Variants in ADK observed in about 807,000 individuals in gnomAD.
ADK encodes the protein N6,N6-dimethyladenosine kinase.
Under a neutral mutation model 44.7 loss-of-function variants are expected in ADK, and 24 were observed. The ratio of observed to expected loss-of-function variants is 0.54; its 90% CI spans 0.39 to 0.76. The LOEUF is 0.76. Ranked by LOEUF, ADK falls within the 30% of genes least tolerant of loss-of-function variation. ADK has a pLI of 0.00. For missense variants in ADK, 321 were observed against 425.1 expected (o/e 0.76, Z 2.15); for synonymous variants, 128 against 142.6 (o/e 0.90, Z 0.73).
chr10:74,440,452 T>G (rs7084786), intron 6 of ADK, among the ~76,000 whole-genome samples: 90,469 of 151,932 alleles, frequency 0.6, 29,767 homozygotes, highest in Middle Eastern at 0.77. Flanking sequence ...GTTGTGCCTT[T>G]TATACTTGAA....
intron 4 of ADK, among the ~76,000 whole-genome samples, chr10:74,380,541 A>G (rs1219295421): frequency 1.3e-5 from 2 of 151,976 alleles, no homozygotes. Flanking sequence ...GGCGGATCAC[A>G]AGGTCAGGAG....
chr10:74,209,769 C>T (rs1843739282), intron 2 of ADK, among the ~76,000 whole-genome samples: 1 of 152,012 alleles, frequency 6.6e-6, no homozygotes, highest in South Asian at 2.1e-4. Context: ...GCAGAAAGTA[C>T]ATTATTGAAA....
chr10:74,497,497 C>T (rs1847733724), intron 6 of ADK, among the ~76,000 whole-genome samples: 1 of 152,144 alleles, frequency 6.6e-6, no homozygotes, highest in Admixed American at 6.5e-5. Context: ...TAAGCAGACT[C>T]ATTCATTCAC....
chr10:74,467,612 T>C (rs1846409849), intron 6 of ADK, among the ~76,000 whole-genome samples: 2 of 152,110 alleles, frequency 1.3e-5, no homozygotes, highest in African/African-American at 4.8e-5. Context: ...TGAAATGAAA[T>C]CTTTTCTTTT....
At chr10:74,381,250 A>G (rs2132005431) in intron 4 of ADK, among the ~76,000 whole-genome samples, 1 of 152,378 alleles carries the variant, frequency 6.6e-6, no homozygotes, top group South Asian at 2.1e-4. Flanking sequence ...TCTGTCAAGC[A>G]GAAAGTTAAG....
At chr10:74,263,215 TG>T (rs1418651471) in intron 3 of ADK, among the ~76,000 whole-genome samples, 1 of 152,212 alleles carries the variant, frequency 6.6e-6, no homozygotes, top group Non-Finnish European at 1.5e-5. Context: ...AGAGAAACTT[TG>T]CTTTTTACTG....
chr10:74,151,700 G>C (rs1370023395), intron 1 of ADK, among the ~76,000 whole-genome samples: 2 of 152,206 alleles, frequency 1.3e-5, no homozygotes, highest in Admixed American at 6.5e-5. Context: ...TCTCTTCCCG[G>C]GGGATGGCGG....
intron 9 of ADK, among the ~76,000 whole-genome samples, chr10:74,642,641 C>T (rs1203975043): frequency 6.6e-6 from 1 of 151,852 alleles, no homozygotes; most frequent in African/African-American, 2.4e-5. Flanking sequence ...AAAATTATCC[C>T]CAGAGATAAC....
chr10:74,467,552 A>G (rs1324861377), intron 6 of ADK, among the ~76,000 whole-genome samples: 1 of 152,142 alleles, frequency 6.6e-6, no homozygotes, highest in East Asian at 1.9e-4. Context: ...GCATCACAAT[A>G]AAGAGTTTTC....
chr10:74,694,146 C>CTTTTTT (rs1266786094), intron 10 of ADK, among the ~76,000 whole-genome samples: 40 of 36,302 alleles, frequency 1.1e-3, no homozygotes, highest in South Asian at 1.6e-3. Flanking sequence ...TTTTCAAACA[C>CTTTTTT]ATTTTTTTTT....
At chr10:74,402,559 T>A (rs1216987908) in intron 6 of ADK, among the ~76,000 whole-genome samples, 1 of 152,222 alleles carries the variant, frequency 6.6e-6, no homozygotes, top group East Asian at 1.9e-4. Context: ...TGTGCATGTG[T>A]CACGTAGTTC....
chr10:74,582,936 G>T (rs186519381), intron 7 of ADK, among the ~76,000 whole-genome samples: 1 of 152,152 alleles, frequency 6.6e-6, no homozygotes, highest in Admixed American at 6.5e-5. Context: ...TCTTAAAAGG[G>T]GTTCCCAGAC....
intron 10 of ADK, among the ~76,000 whole-genome samples, chr10:74,688,604 T>A (rs1452589208): frequency 2.0e-5 from 3 of 152,124 alleles, no homozygotes; most frequent in Non-Finnish European, 4.4e-5. Flanking sequence ...TAGGATCAGG[T>A]CAACTTGGTT....
intron 4 of ADK, among the ~76,000 whole-genome samples, chr10:74,392,821 A>G (rs1387560996): frequency 6.6e-6 from 1 of 152,090 alleles, no homozygotes; most frequent in Non-Finnish European, 1.5e-5. Context: ...TTTGAAGTTA[A>G]CAAAATATCC....
At chr10:74,253,188 C>T (rs942927884) in intron 3 of ADK, among the ~76,000 whole-genome samples, 1 of 152,244 alleles carries the variant, frequency 6.6e-6, no homozygotes, top group African/African-American at 2.4e-5. Context: ...GGCAGTGTTA[C>T]AGCTCTGGTG....
chr10:74,274,446 C>G (rs1056269854), intron 3 of ADK, among the ~76,000 whole-genome samples: 10 of 151,736 alleles, frequency 6.6e-5, no homozygotes, highest in Admixed American at 2.0e-4. Context: ...CCTGTAATTC[C>G]AGCTACTCAG....
Position 74,314,650 on chromosome 10 carries a change from C to T in ADK, c.195-17C>T, listed in dbSNP as rs756956429. On this transcript the variant is annotated splice_polypyrimidine_tract_variant and intron_variant, in intron 3 of 10. Transcript: ENST00000539909. ...ACAGAAGGTAACTTACTTTTTTCTACTGTGATTTCCTTATAGGTTTGATGA... is the reference window on the plus strand; with the variant it reads ...ACAGAAGGTAACTTACTTTTTTCTATTGTGATTTCCTTATAGGTTTGATGA... 7.5e-6 allele frequency: 12 copies of T among 1,595,444 alleles called. No homozygotes were observed. The African/African-American group carries it at 8.0e-5, about 11-fold the overall frequency.
intron 3 of ADK, among the ~76,000 whole-genome samples, chr10:74,296,873 C>T (rs1839837632): frequency 6.6e-6 from 1 of 152,110 alleles, no homozygotes; most frequent in Non-Finnish European, 1.5e-5. Context: ...CTCGGCCTCC[C>T]AAAGTGCTGG....
chr10:74,214,965 T>G (rs1298209606), intron 2 of ADK, among the ~76,000 whole-genome samples: 1 of 152,170 alleles, frequency 6.6e-6, no homozygotes, highest in Non-Finnish European at 1.5e-5. Flanking sequence ...AATGTCAGAA[T>G]CAGGATGATA....
Sources: gnomAD v4.1 joint callset for allele counts (sites outside exome capture counted in the v4.1 genomes callset) on GRCh38, gnomAD v4.1.1 for gene constraint, MANE v1.5 for transcripts, NCBI Gene and HGNC (gene_info 2026-07-23, HGNC 2026-07-21) for gene names.